OSTN: variants seen among roughly 807,000 people sequenced by gnomAD.
OSTN encodes the protein osteocrin.
Under a neutral mutation model 12.0 loss-of-function variants are expected in OSTN, and 9 were observed. That is an observed-to-expected ratio of 0.75 (90% CI 0.45 to 1.30). OSTN has a LOEUF of 1.30. Ranked by LOEUF, OSTN falls within the 50% of genes most tolerant of loss-of-function variation. The pLI is 0.00. For synonymous variants in OSTN, 59 were observed against 56.9 expected, an observed-to-expected ratio of 1.04 and a Z score of -0.16; for missense variants, 148 against 152.3, an observed-to-expected ratio of 0.97 and a Z score of 0.15.
intron 3 of OSTN, among the ~76,000 whole-genome samples, chr3:191,220,267 A>T (rs1446496304): frequency 6.6e-6 from 1 of 152,164 alleles, no homozygotes; most frequent in East Asian, 1.9e-4. Context: ...TAAAATCATC[A>T]TTTGAAGACC....
At chr3:191,236,197 T>C (rs578048790) in intron 3 of OSTN, among the ~76,000 whole-genome samples, 2 of 152,270 alleles carry the variant, frequency 1.3e-5, no homozygotes, top group South Asian at 4.2e-4. Flanking sequence ...CCACATACTT[T>C]CTCTCTTTCT....
intron 4 of OSTN, 140 bp downstream of exon 4, chr3:191,250,273 T>C (rs1395314232): frequency 7.7e-6 from 5 of 652,510 alleles, no homozygotes; most frequent in Non-Finnish European, 1.3e-5. Flanking sequence ...CATTTATGTA[T>C]GCAATGAGTA....
Position 191,262,992 on chromosome 3 carries a change from C to CTGA in OSTN, c.*139_*140insTGA. The CTGA allele has an allele frequency of 1.5e-6, 1 of 656,760 alleles. No homozygotes were observed. Among genetic ancestry groups the CTGA allele is most frequent in the Non-Finnish European group, 2.8e-6 (1 of 356,922 alleles). 40.7% of individuals were successfully genotyped at this position (656,760 alleles called of 1,614,324 possible). A position where few individuals can be genotyped will look rare whatever the true frequency, so the allele number is the denominator to read the frequency against. ...CAAATCCTTTCCAAAGCTTGAACTT[C>CTGA]AGTCCATCACATTACAGCATTGTTA... On this transcript the variant is annotated 3_prime_UTR_variant, in exon 5 of 5. Transcript: ENST00000682035.
intron 4 of OSTN, 62 bp downstream of exon 4, chr3:191,250,195 C>A: frequency 8.2e-7 from 1 of 1,217,948 alleles, no homozygotes; most frequent in East Asian, 2.3e-5. Flanking sequence ...TCACAATGGA[C>A]TAATCAATCC....
intron 3 of OSTN, among the ~76,000 whole-genome samples, chr3:191,220,664 A>G (rs927412253): frequency 6.6e-6 from 1 of 152,146 alleles, no homozygotes; most frequent in Non-Finnish European, 1.5e-5. Context: ...ATATGTTTAA[A>G]AACTAATCTA....
intron 1 of OSTN, among the ~76,000 whole-genome samples, chr3:191,203,779 G>C (rs753577174): frequency 6.6e-6 from 1 of 152,220 alleles, no homozygotes; most frequent in Non-Finnish European, 1.5e-5. Flanking sequence ...GAAAATGAAA[G>C]TTGTTGTTCT....
At chr3:191,242,852 A>T (rs1373383844) in intron 3 of OSTN, among the ~76,000 whole-genome samples, 1 of 152,222 alleles carries the variant, frequency 6.6e-6, no homozygotes, top group African/African-American at 2.4e-5. Flanking sequence ...AAGATTTTTT[A>T]AAAAATCACA....
chr3:191,260,466 A>AGG (rs146745091), intron 4 of OSTN, among the ~76,000 whole-genome samples: 44 of 151,846 alleles, frequency 2.9e-4, no homozygotes, highest in Non-Finnish European at 5.9e-4. Context: ...CAAATTTCTG[A>AGG]GGGGGGTGCC....
intron 3 of OSTN, among the ~76,000 whole-genome samples, chr3:191,229,591 C>T (rs1458505567): frequency 2.6e-5 from 4 of 151,970 alleles, no homozygotes; most frequent in Non-Finnish European, 4.4e-5. Context: ...CCTTAAAAAA[C>T]TAAGCAATCA....
At chr3:191,236,531 T>C (rs1368844949) in intron 3 of OSTN, among the ~76,000 whole-genome samples, 29 of 151,800 alleles carry the variant, frequency 1.9e-4, no homozygotes, top group Admixed American at 1.9e-3. Flanking sequence ...TGCTTGTTTA[T>C]ATATAAGATA....
At chr3:191,231,341 TA>T (rs1016788245) in intron 3 of OSTN, among the ~76,000 whole-genome samples, 2 of 151,444 alleles carry the variant, frequency 1.3e-5, no homozygotes, top group African/African-American at 4.9e-5. Context: ...TCAGCGTCAT[TA>T]AAAAAATCAC....
intron 2 of OSTN, among the ~76,000 whole-genome samples, chr3:191,216,807 A>C (rs1305457809): frequency 1.3e-5 from 2 of 152,222 alleles, no homozygotes; most frequent in African/African-American, 4.8e-5. Flanking sequence ...TAAAACTATC[A>C]GCATTTTGGT....
chr3:191,218,920 C>T lies in OSTN; in HGVS notation c.276C>T (p.Asp92=). The T allele has an allele frequency of 1.2e-6, 2 of 1,614,052 alleles. No homozygotes were observed. The highest frequency in any genetic ancestry group is 1.7e-6 in the Non-Finnish European group (2 of 1,179,954). The change falls in exon 3 of 5, where the codon GAC becomes GAT. Residue 92 remains aspartate (D), a synonymous_variant. Coordinates refer to ENST00000682035, the MANE Select transcript of OSTN (RefSeq NM_198184.2). ...RSFSGFGSPL[D]RLSAGSVDHK... Reference sequence around the variant, plus strand: ...TCTCTGGTTTTGGGTCTCCCCTTGACAGACTCTCAGCTGGCTCTGTAGATC... The same window carrying T: ...TCTCTGGTTTTGGGTCTCCCCTTGATAGACTCTCAGCTGGCTCTGTAGATC...
At chr3:191,246,010 T>C (rs1715421642) in intron 3 of OSTN, among the ~76,000 whole-genome samples, 1 of 130,738 alleles carries the variant, frequency 7.6e-6, no homozygotes, top group Non-Finnish European at 1.5e-5. Context: ...AAGGTTGCCG[T>C]GAACTGAGAT....
intron 1 of OSTN, among the ~76,000 whole-genome samples, chr3:191,199,967 G>T (rs1348594985): frequency 6.6e-6 from 1 of 151,990 alleles, no homozygotes; most frequent in Non-Finnish European, 1.5e-5. Flanking sequence ...TTTTATTTCA[G>T]GTTTAGTGTG....
At chr3:191,226,772 A>C (rs1714921780) in intron 3 of OSTN, among the ~76,000 whole-genome samples, 1 of 152,182 alleles carries the variant, frequency 6.6e-6, no homozygotes, top group Non-Finnish European at 1.5e-5. Flanking sequence ...TCATATTAGT[A>C]AGTAAAAGAA....
chr3:191,258,597 A>G (rs1043813375), intron 4 of OSTN, among the ~76,000 whole-genome samples: 7 of 151,802 alleles, frequency 4.6e-5, no homozygotes, highest in Admixed American at 1.3e-4. Flanking sequence ...ACCAGGGCAC[A>G]TGTATAGCTA....
chr3:191,233,155 C>T (rs1170415317), intron 3 of OSTN, among the ~76,000 whole-genome samples: 1 of 151,990 alleles, frequency 6.6e-6, no homozygotes, highest in African/African-American at 2.4e-5. Flanking sequence ...TTCATGAAAG[C>T]TAGGGAAAAC....
intron 3 of OSTN, among the ~76,000 whole-genome samples, chr3:191,227,422 G>T (rs1714940485): frequency 1.3e-5 from 2 of 152,126 alleles, no homozygotes; most frequent in South Asian, 4.1e-4. Flanking sequence ...AGGGGAATAT[G>T]GCAATATCCA....
Sources: allele counts gnomAD v4.1 joint callset (sites outside exome capture counted in the v4.1 genomes callset), GRCh38; gene constraint gnomAD v4.1.1; transcripts MANE v1.5; gene names NCBI Gene and HGNC (gene_info 2026-07-23, HGNC 2026-07-21).